The following NAALADL2 variants were observed in gnomAD, a reference collection of about 807,000 sequenced individuals.
NAALADL2 encodes the protein inactive N-acetylated-alpha-linked acidic dipeptidase-like protein 2.
Under a neutral mutation model 87.2 loss-of-function variants are expected in NAALADL2, and 76 were observed. The observed-to-expected ratio is 0.87, with a 90% confidence interval of 0.72 to 1.05. NAALADL2 has a LOEUF of 1.05. NAALADL2 is among the 50% of genes least tolerant of loss of function. NAALADL2 has a pLI of 0.00. For synonymous variants in NAALADL2, 354 were observed against 331.0 expected, an observed-to-expected ratio of 1.07 and a Z score of -0.75; for missense variants, 1,089 against 945.8, an observed-to-expected ratio of 1.15 and a Z score of -1.99.
intron 3 of NAALADL2, among the ~76,000 whole-genome samples, chr3:174,811,899 A>G (rs1447702957): frequency 1.3e-5 from 2 of 152,062 alleles, no homozygotes; most frequent in African/African-American, 4.8e-5. Flanking sequence ...AGCACCATCC[A>G]TTTGTTGTTG....
At chr3:175,170,515 T>C (rs1375252588) in intron 2 of NAALADL2, among the ~76,000 whole-genome samples, 6 of 147,796 alleles carry the variant, frequency 4.1e-5, no homozygotes, top group Middle Eastern at 3.6e-3. Flanking sequence ...CAAACACATA[T>C]ATAGTATTTG....
At chr3:175,064,289 A>G (rs1714134336) in intron 1 of NAALADL2, among the ~76,000 whole-genome samples, 1 of 152,220 alleles carries the variant, frequency 6.6e-6, no homozygotes, top group Non-Finnish European at 1.5e-5. Context: ...CACCAAGACA[A>G]CAGGTTCAAA....
intron 11 of NAALADL2, among the ~76,000 whole-genome samples, chr3:175,643,976 T>C (rs1348289171): frequency 6.6e-6 from 1 of 152,164 alleles, no homozygotes; most frequent in Admixed American, 6.6e-5. Context: ...TTTTGTTCTT[T>C]GATTTTTTCC....
At chr3:175,521,591 G>A (rs1282301918) in intron 9 of NAALADL2, among the ~76,000 whole-genome samples, 2 of 152,128 alleles carry the variant, frequency 1.3e-5, no homozygotes, top group African/African-American at 4.8e-5. Context: ...TGAAAATGAG[G>A]TCATACTGGA....
At chr3:174,821,822 G>A (rs1721457668) in intron 3 of NAALADL2, among the ~76,000 whole-genome samples, 2 of 152,110 alleles carry the variant, frequency 1.3e-5, no homozygotes, top group Admixed American at 1.3e-4. Flanking sequence ...TCCAGATTGA[G>A]AATTATCACT....
intron 1 of NAALADL2, among the ~76,000 whole-genome samples, chr3:174,522,372 A>G (rs1444230321): frequency 6.6e-6 from 1 of 152,128 alleles, no homozygotes; most frequent in East Asian, 1.9e-4. Context: ...AGTGTCCTAT[A>G]AAAGAGACTG....
intron 3 of NAALADL2, among the ~76,000 whole-genome samples, chr3:174,850,258 G>A (rs1376892915): frequency 6.6e-6 from 1 of 151,940 alleles, no homozygotes; most frequent in African/African-American, 2.4e-5. Flanking sequence ...CCACTGGGAT[G>A]TCTGCTGCCA....
intron 1 of NAALADL2, among the ~76,000 whole-genome samples, chr3:175,022,896 T>TG (rs1318967721): frequency 6.6e-6 from 1 of 152,088 alleles, no homozygotes; most frequent in Non-Finnish European, 1.5e-5. Flanking sequence ...TACCAGACCC[T>TG]GGGGATACAA....
At chr3:175,802,008 G>A (rs1204722257) in intron 13 of NAALADL2, among the ~76,000 whole-genome samples, 1 of 151,930 alleles carries the variant, frequency 6.6e-6, no homozygotes, top group Admixed American at 6.6e-5. Flanking sequence ...ATATTACCCA[G>A]TTTCAACAAT....
rs1438880793 is a variant in NAALADL2 at position 175,718,611 on chromosome 3, T to C, written c.1897-18695T>C. 5.3e-5 allele frequency: 84 copies of C among 1,593,902 alleles called. 1 individual carries two copies. Among genetic ancestry groups the C allele is most frequent in the Middle Eastern group, 3.3e-4 (2 of 6,036 alleles). ...ACTCCTTTCTGGCCTTCTTCGAGTT[T>C]TTCCAACAGTCGGAAATTGCGAGGG... is the stretch of plus-strand genomic sequence containing the variant. On this transcript the variant is annotated intron_variant, in intron 11 of 13. Transcript: ENST00000454872.
chr3:175,107,446 G>T (rs1015605323), intron 2 of NAALADL2, among the ~76,000 whole-genome samples: 4 of 151,686 alleles, frequency 2.6e-5, no homozygotes, highest in African/African-American at 9.7e-5. Flanking sequence ...ATTCACAATT[G>T]TGTGAGTCAA....
chr3:175,033,716 A>G (rs1427137296), intron 1 of NAALADL2, among the ~76,000 whole-genome samples: 2 of 152,024 alleles, frequency 1.3e-5, no homozygotes, highest in Non-Finnish European at 2.9e-5. Context: ...TAACCCCTAA[A>G]CACTGGAATA....
intron 1 of NAALADL2, among the ~76,000 whole-genome samples, chr3:174,882,627 GTGCATATACACATA>G (rs1282941835): frequency 7.8e-5 from 7 of 89,208 alleles, no homozygotes; most frequent in African/African-American, 2.9e-4. Flanking sequence ...ATGCATATAT[GTGCATATACACATA>G]TGTGCATATA....
At position 175,810,319 on chromosome 3, in the gene NAALADL2, T is replaced by C. The variant is rs991040382; in HGVS notation, c.*7116T>C. ...TATGCATCTTACTTAAGAAATTATG[T>C]TGTGATCTGGAGTGACACAAATGGA... On this transcript the variant is annotated 3_prime_UTR_variant, in exon 14 of 14. Transcript: ENST00000454872. 28 of 152,154 alleles carry C rather than the reference T, an allele frequency of 1.8e-4. 1 individual carries two copies. Among genetic ancestry groups the C allele is most frequent in the African/African-American group, 6.3e-4 (26 of 41,552 alleles). The allele number at this position is 152,154 out of a possible 1,614,324, so 9.4% of individuals were successfully genotyped here. A position where few individuals can be genotyped will look rare whatever the true frequency, so the allele number is the denominator to read the frequency against.
chr3:175,499,716 C>T (rs1488197765), intron 9 of NAALADL2, among the ~76,000 whole-genome samples: 1 of 152,032 alleles, frequency 6.6e-6, no homozygotes, highest in Non-Finnish European at 1.5e-5. Context: ...TTAATTTTGC[C>T]AATTTCATCA....
intron 5 of NAALADL2, among the ~76,000 whole-genome samples, chr3:175,337,757 G>A (rs1762140971): frequency 6.6e-6 from 1 of 152,106 alleles, no homozygotes; most frequent in African/African-American, 2.4e-5. Context: ...ATAAAGTACA[G>A]AAGAAAGATT....
At chr3:175,186,717 G>A (rs73881435) in intron 2 of NAALADL2, among the ~76,000 whole-genome samples, 1 of 152,050 alleles carries the variant, frequency 6.6e-6, no homozygotes, top group Admixed American at 6.6e-5. Flanking sequence ...GTGGTCATGT[G>A]ACCTTTTTGT....
At chr3:174,926,267 A>G (rs1250804073) in intron 1 of NAALADL2, among the ~76,000 whole-genome samples, 3 of 152,216 alleles carry the variant, frequency 2.0e-5, no homozygotes, top group African/African-American at 7.2e-5. Context: ...GAATGGAACC[A>G]AGTTGGAAAA....
intron 2 of NAALADL2, among the ~76,000 whole-genome samples, chr3:174,686,697 T>A (rs2108840918): frequency 6.6e-6 from 1 of 152,202 alleles, no homozygotes; most frequent in African/African-American, 2.4e-5. Flanking sequence ...GGGGAAAGAA[T>A]TATCTATTCA....
Sources: allele counts gnomAD v4.1 joint callset (sites outside exome capture counted in the v4.1 genomes callset), GRCh38; gene constraint gnomAD v4.1.1; transcripts MANE v1.5; gene names NCBI Gene and HGNC (gene_info 2026-07-23, HGNC 2026-07-21).